Variants in UBE2H observed in about 807,000 individuals in gnomAD.
The protein encoded by UBE2H is ubiquitin conjugating enzyme E2 H, also known as ubiquitin-conjugating enzyme E2 H.
Under a neutral mutation model 29.0 loss-of-function variants are expected in UBE2H, and 3 were observed. The observed-to-expected ratio is 0.10, with a 90% confidence interval of 0.05 to 0.27. UBE2H has a LOEUF of 0.27. Ranked by LOEUF, UBE2H falls within the 10% of genes least tolerant of loss-of-function variation. The probability of loss-of-function intolerance (pLI) is 1.00; values close to 1 mark genes in which losing one functional copy is unlikely to be tolerated. For synonymous variants in UBE2H, 69 were observed against 82.9 expected, an observed-to-expected ratio of 0.83 and a Z score of 0.91; for missense variants, 68 against 228.2, an observed-to-expected ratio of 0.30 and a Z score of 4.52.
intron 1 of UBE2H, among the ~76,000 whole-genome samples, chr7:129,927,493 T>C (rs923395939): frequency 1.3e-5 from 2 of 152,158 alleles, no homozygotes; most frequent in South Asian, 2.1e-4. Flanking sequence ...TGAGCCGAGA[T>C]TGCGCCACTG....
intron 3 of UBE2H, among the ~76,000 whole-genome samples, chr7:129,877,370 C>G (rs2116363790): frequency 6.6e-6 from 1 of 152,284 alleles, no homozygotes; most frequent in Non-Finnish European, 1.5e-5. Flanking sequence ...TTACAACTAT[C>G]TACACAACTC....
At chr7:129,938,748 C>G (rs1292930549) in intron 1 of UBE2H, among the ~76,000 whole-genome samples, 2 of 150,450 alleles carry the variant, frequency 1.3e-5, no homozygotes, top group African/African-American at 4.9e-5. Flanking sequence ...TCCAAGATTC[C>G]CCTCACAAGA....
chr7:129,882,084 C>T (rs1806267650), intron 1 of UBE2H, among the ~76,000 whole-genome samples: 1 of 152,214 alleles, frequency 6.6e-6, no homozygotes, highest in Non-Finnish European at 1.5e-5. Flanking sequence ...CATGGCTGTG[C>T]TCCCTTCCTC....
chr7:129,830,932 G>A lies in UBE2H; in HGVS notation c.*4005C>T, dbSNP rs1202483714. 2.0e-5 allele frequency: 3 copies of A among 151,040 alleles called. No homozygotes were observed. Among genetic ancestry groups the A allele is most frequent in the African/African-American group, 7.3e-5 (3 of 40,954 alleles). The allele number at this position is 151,040 out of a possible 1,614,324, so 9.4% of individuals were successfully genotyped here. On this transcript the variant is annotated 3_prime_UTR_variant, in exon 7 of 7. Coordinates refer to ENST00000355621, the MANE Select transcript of UBE2H (RefSeq NM_003344.4). ...TAAAAAGCTTCAGATTTCAGTTAGG[G>A]GCTGGCAGTCCCTTTTATCTTTTCA...
chr7:129,876,682 A>G (rs1806149670), intron 3 of UBE2H, among the ~76,000 whole-genome samples: 1 of 152,228 alleles, frequency 6.6e-6, no homozygotes, highest in African/African-American at 2.4e-5. Context: ...AAGATTTGCC[A>G]TCACTTATGA....
chr7:129,898,524 G>GA (rs1806644297), intron 1 of UBE2H, among the ~76,000 whole-genome samples: 1 of 152,154 alleles, frequency 6.6e-6, no homozygotes, highest in East Asian at 1.9e-4. Context: ...TGAATAATAT[G>GA]AAAAAAATCA....
rs1805308244 is a variant in UBE2H, at chr7:129,835,573, C to G, written c.428-512G>C. Among the ~76,000 whole-genome samples the G allele has an allele frequency of 2.6e-5, 4 of 152,168 alleles. 1 individual carries two copies. The South Asian group carries it at 8.3e-4, about 32-fold the overall frequency. ...TTGAAGCAGCTGGCAAAAACCATCG[C>G]TCAATCTGCTCAGGACTAAGCTGCT... On this transcript the variant is annotated intron_variant, in intron 6 of 6. Transcript: ENST00000355621.
intron 3 of UBE2H, among the ~76,000 whole-genome samples, chr7:129,869,557 C>A (rs1335284703): frequency 6.6e-6 from 1 of 152,192 alleles, no homozygotes; most frequent in African/African-American, 2.4e-5. Flanking sequence ...CAATCCTCTG[C>A]AAATCCCCTG....
rs954213189 is a variant in UBE2H at position 129,857,809 on chromosome 7, G to A, written c.246-246C>T. Reference sequence around the variant, plus strand: ...CCAGACAACACCTGAACCAGGTGCTGAGAACACAAGGGGCAGACAGACCTT... The same window carrying A: ...CCAGACAACACCTGAACCAGGTGCTAAGAACACAAGGGGCAGACAGACCTT... On this transcript the variant is annotated intron_variant, in intron 4 of 6. Coordinates refer to ENST00000355621, the MANE Select transcript of UBE2H (RefSeq NM_003344.4). Among the ~76,000 whole-genome samples the A allele has an allele frequency of 2.6e-5, 4 of 152,192 alleles. No individual in the cohort carries two copies. In the East Asian group the frequency reaches 5.8e-4, roughly 22 times the overall value.
intron 5 of UBE2H, among the ~76,000 whole-genome samples, chr7:129,851,068 G>A (rs959497883): frequency 2.0e-5 from 3 of 152,108 alleles, no homozygotes; most frequent in Non-Finnish European, 2.9e-5. Flanking sequence ...TTCCAAACCC[G>A]CTTAAAAGGT....
Position 129,951,783 on chromosome 7 carries a change from C to G in UBE2H, c.53+720G>C, listed in dbSNP as rs1032904065. On this transcript the variant is annotated intron_variant, in intron 1 of 6. Coordinates refer to ENST00000355621, the MANE Select transcript of UBE2H (RefSeq NM_003344.4). ...ATTTTGTCCAGGAGCTCCTCTTTCC[C>G]CAGCTGTCATACCCACAATATGGAG... Among the ~76,000 whole-genome samples, 15 of 152,248 alleles carry G rather than the reference C, an allele frequency of 9.9e-5. No homozygotes were observed. In the East Asian group the frequency reaches 2.9e-3, roughly 29 times the overall value.
chr7:129,944,300 G>C (rs1295091000), intron 1 of UBE2H, among the ~76,000 whole-genome samples: 2 of 152,110 alleles, frequency 1.3e-5, no homozygotes, highest in East Asian at 3.9e-4. Flanking sequence ...AGCTGGCAGT[G>C]AGCCGAGATC....
intron 5 of UBE2H, among the ~76,000 whole-genome samples, chr7:129,850,888 G>GGA (rs959680908): frequency 2.0e-5 from 3 of 151,046 alleles, no homozygotes; most frequent in Admixed American, 1.3e-4. Flanking sequence ...GAGAGAGAAA[G>GGA]GAGAGAGAGA....
chr7:129,925,807 T>C lies in UBE2H; in HGVS notation c.53+26696A>G, dbSNP rs529759072. 2.0e-3 allele frequency among the ~76,000 whole-genome samples: 312 copies of C among 152,272 alleles called. 3 individuals carry two copies. In the South Asian group the frequency reaches 0.025, roughly 12 times the overall value. On this transcript the variant is annotated intron_variant, in intron 1 of 6. Transcript: ENST00000355621. ...ATGGCAGAAGCGATGCCTTTAAGAT[T>C]AAGTAATGCACTGAAGAGGGCTGGG...
At chr7:129,880,783 A>G (rs1048204196) in intron 2 of UBE2H, 112 bp downstream of exon 2, 5 of 849,672 alleles carry the variant, frequency 5.9e-6, no homozygotes, top group Non-Finnish European at 9.0e-6. Flanking sequence ...TCTGCAGTCC[A>G]ACTAAACTTG....
intron 1 of UBE2H, among the ~76,000 whole-genome samples, chr7:129,922,327 C>A (rs1245124378): frequency 6.6e-6 from 1 of 151,354 alleles, no homozygotes. Context: ...GCTCTGGCAC[C>A]CAGGCTGGAA....
intron 5 of UBE2H, among the ~76,000 whole-genome samples, chr7:129,841,835 A>G (rs1805434591): frequency 6.6e-6 from 1 of 152,218 alleles, no homozygotes; most frequent in African/African-American, 2.4e-5. Flanking sequence ...CAAAAAAGCA[A>G]AACAAAAATC....
rs575704287 is a variant in UBE2H, at chr7:129,952,751, G to T, written c.-196C>A. The stretch of plus-strand genomic sequence containing the variant: ...CACTGTCCGGCCGGGTGGGGGTGGG[G>T]ACCCTGCGGCGCCCGGCTCGGGCTG... On this transcript the variant is annotated 5_prime_UTR_variant, in exon 1 of 7. Coordinates refer to ENST00000355621, the MANE Select transcript of UBE2H (RefSeq NM_003344.4). 6 of 449,874 alleles carry T rather than the reference G, an allele frequency of 1.3e-5. No individual in the cohort carries two copies. The East Asian group carries it at 2.1e-4, about 16-fold the overall frequency. The allele number at this position is 449,874 out of a possible 1,614,324, so 27.9% of individuals were successfully genotyped here. A position where few individuals can be genotyped will look rare whatever the true frequency, so the allele number is the denominator to read the frequency against.
At chr7:129,835,338 C>T (rs1805302537) in intron 6 of UBE2H, among the ~76,000 whole-genome samples, 2 of 152,286 alleles carry the variant, frequency 1.3e-5, no homozygotes, top group Admixed American at 6.5e-5. Context: ...TGCAGCACCC[C>T]AAGAACTCTT....
Sources: allele counts gnomAD v4.1 joint callset (sites outside exome capture counted in the v4.1 genomes callset), GRCh38; gene constraint gnomAD v4.1.1; transcripts MANE v1.5; gene names NCBI Gene and HGNC (gene_info 2026-07-23, HGNC 2026-07-21).